The following MACC1 variants were observed in gnomAD, a reference collection of about 807,000 sequenced individuals.
MACC1 encodes MET transcriptional regulator MACC1.
A neutral mutation model predicts 70.7 loss-of-function variants in MACC1; 79 were observed. The observed-to-expected ratio is 1.12, with a 90% confidence interval of 0.93 to 1.35. The LOEUF is 1.35. Among genes scored for constraint, MACC1 ranks in the 40% most tolerant of loss-of-function variants. The pLI is 0.00. For synonymous variants in MACC1, 361 were observed against 347.2 expected (o/e 1.04, Z -0.44); for missense variants, 1,106 against 978.1 (o/e 1.13, Z -1.74).
chr7:20,149,628 C>G (rs549487591), intron 6 of MACC1, among the ~76,000 whole-genome samples: 19 of 152,172 alleles, frequency 1.2e-4, no homozygotes, highest in Admixed American at 5.2e-4. Context: ...GACTCCCCTC[C>G]ATTGATACCA....
Position 20,159,186 on chromosome 7 carries a change from C to G in MACC1, c.1175G>C (p.Gly392Ala), listed in dbSNP as rs1175777714. ...AAGCTGTCCTGGCATATAATTGTGT[C>G]CACAAACTGTTAAAACAACAGTAAA... The part of the protein sequence containing the change: ...PSFTVVLTVC[G>A]HNYMPGQLTI... The change falls in exon 5 of 7, where the codon GGA (glycine) becomes GCA (alanine). Residue 392 changes from glycine (G) to alanine (A), a missense_variant. Gly to Ala is a moderately conservative substitution (Grantham distance 60). Transcript: ENST00000400331. 1.2e-6 allele frequency: 2 copies of G among 1,613,922 alleles called. No homozygotes were observed. The highest frequency in any genetic ancestry group is 8.5e-7 in the Non-Finnish European group (1 of 1,179,974).
intron 6 of MACC1, among the ~76,000 whole-genome samples, chr7:20,143,842 G>A (rs1022442668): frequency 1.3e-5 from 2 of 152,156 alleles, no homozygotes; most frequent in Non-Finnish European, 2.9e-5. Flanking sequence ...TGAAATGCAA[G>A]GGGGAATATT....
intron 1 of MACC1, among the ~76,000 whole-genome samples, chr7:20,194,020 C>T (rs57945145): frequency 0.013 from 1,967 of 152,222 alleles, 40 homozygotes; most frequent in African/African-American, 0.045. Context: ...TTGTGGCCAG[C>T]GGTTCTCTGA....
chr7:20,205,361 A>G (rs1315694991), intron 1 of MACC1, among the ~76,000 whole-genome samples: 2 of 152,238 alleles, frequency 1.3e-5, no homozygotes, highest in Non-Finnish European at 2.9e-5. Flanking sequence ...TTCTTAAAAT[A>G]TATTTTCCAG....
intron 1 of MACC1, among the ~76,000 whole-genome samples, chr7:20,179,875 A>T (rs1562593868): frequency 6.6e-6 from 1 of 152,182 alleles, no homozygotes; most frequent in Non-Finnish European, 1.5e-5. Flanking sequence ...AAAGTGTGGT[A>T]GGTCTGTGAA....
Position 20,140,194 on chromosome 7 carries a change from C to T in MACC1, c.*752G>A, listed in dbSNP as rs1335645488. On this transcript the variant is annotated 3_prime_UTR_variant, in exon 7 of 7. Coordinates refer to ENST00000400331, the MANE Select transcript of MACC1 (RefSeq NM_182762.4). ...CGATGAAAAAGAGTAGCAAGTCTCA[C>T]TTAAAATGAAACGGCAACTGTTTCC... 6.6e-6 allele frequency: 1 copy of T among 152,194 alleles called. No homozygotes were observed. The highest frequency in any genetic ancestry group is 1.5e-5 in the Non-Finnish European group (1 of 68,034). The allele number at this position is 152,194 out of a possible 1,614,324, so 9.4% of individuals were successfully genotyped here.
At chr7:20,154,041 T>G in intron 6 of MACC1, 152 bp downstream of exon 6, 2 of 676,096 alleles carry the variant, frequency 3.0e-6, no homozygotes, top group South Asian at 4.1e-5. Flanking sequence ...TTATTTCAGA[T>G]AGTACTGATG....
intron 6 of MACC1, among the ~76,000 whole-genome samples, chr7:20,151,687 A>C (rs907848215): frequency 6.6e-6 from 1 of 152,232 alleles, no homozygotes; most frequent in Non-Finnish European, 1.5e-5. Flanking sequence ...AAAATCTGAC[A>C]AATTTATTAT....
chr7:20,181,980 G>T (rs1782515937), intron 1 of MACC1, among the ~76,000 whole-genome samples: 1 of 151,648 alleles, frequency 6.6e-6, no homozygotes, highest in African/African-American at 2.4e-5. Context: ...AGAAAATGTG[G>T]CACATATACA....
intron 1 of MACC1, among the ~76,000 whole-genome samples, chr7:20,178,261 T>TCACA (rs71020623): frequency 1.4e-3 from 141 of 98,944 alleles, no homozygotes; most frequent in Non-Finnish European, 2.1e-3. Flanking sequence ...TAATCTTATT[T>TCACA]CACACACACA....
Position 20,160,163 on chromosome 7 carries a change from T to C in MACC1, c.198A>G (p.Pro66=). The stretch of plus-strand genomic sequence containing the variant: ...TAGAAGCAGACAGTTGATTCCAGAA[T>C]GGATTTGCAACTTTGGAAGCATTAT... The part of the protein sequence containing the change: ...RGNNASKVAN[P]FWNQLSASNP... The change falls in exon 5 of 7, where the codon CCA becomes CCG. Residue 66 remains proline (P), a synonymous_variant. Transcript: ENST00000400331. 2 of 1,611,904 alleles carry C rather than the reference T, an allele frequency of 1.2e-6. No individual in the cohort carries two copies. The highest frequency in any genetic ancestry group is 1.7e-6 in the Non-Finnish European group (2 of 1,179,492).
chr7:20,175,350 C>T (rs1037030198), intron 1 of MACC1, among the ~76,000 whole-genome samples: 13 of 151,890 alleles, frequency 8.6e-5, no homozygotes, highest in African/African-American at 3.1e-4. Flanking sequence ...AAAATATATA[C>T]ACATATTTAA....
chr7:20,155,579 C>A (rs374068296), intron 5 of MACC1, among the ~76,000 whole-genome samples: 1 of 152,160 alleles, frequency 6.6e-6, no homozygotes, highest in South Asian at 2.1e-4. Context: ...CTACTGTAAA[C>A]ATGTTTGGTA....
intron 6 of MACC1, among the ~76,000 whole-genome samples, chr7:20,153,781 G>T (rs1013614450): frequency 6.6e-6 from 1 of 151,992 alleles, no homozygotes; most frequent in Non-Finnish European, 1.5e-5. Context: ...ATTAGTTATC[G>T]CAAGTGACTA....
At position 20,135,103 on chromosome 7, in the gene MACC1, A is replaced by G. The variant is rs1265417667; in HGVS notation, c.*5843T>C. The G allele has an allele frequency of 1.3e-5, 2 of 152,338 alleles. No individual in the cohort carries two copies. Among genetic ancestry groups the G allele is most frequent in the East Asian group, 1.9e-4 (1 of 5,194 alleles). 9.4% of individuals were successfully genotyped at this position (152,338 alleles called of 1,614,324 possible). Reference sequence around the variant, plus strand: ...AAAAATACATTTAACAAGAAATTCAACAAATAACACACTAGGGAAAACAAG... The same window carrying G: ...AAAAATACATTTAACAAGAAATTCAGCAAATAACACACTAGGGAAAACAAG... On this transcript the variant is annotated 3_prime_UTR_variant, in exon 7 of 7. Coordinates refer to ENST00000400331, the MANE Select transcript of MACC1 (RefSeq NM_182762.4).
At chr7:20,171,097 C>G (rs1469397475) in intron 1 of MACC1, among the ~76,000 whole-genome samples, 3 of 152,060 alleles carry the variant, frequency 2.0e-5, no homozygotes, top group African/African-American at 7.2e-5. Context: ...AATGCGCATA[C>G]ATGTGTGCAT....
chr7:20,211,902 A>G (rs751451544), intron 1 of MACC1, among the ~76,000 whole-genome samples: 3 of 152,250 alleles, frequency 2.0e-5, no homozygotes, highest in East Asian at 1.9e-4. Flanking sequence ...ATTAATCTTA[A>G]AAGTATAATG....
At chr7:20,193,053 T>G (rs1200860963) in intron 1 of MACC1, among the ~76,000 whole-genome samples, 1 of 152,180 alleles carries the variant, frequency 6.6e-6, no homozygotes, top group Admixed American at 6.5e-5. Flanking sequence ...GGTATAAACT[T>G]TAGGCCCCGC....
At chr7:20,154,903 A>T (rs1404454737) in intron 5 of MACC1, among the ~76,000 whole-genome samples, 2 of 147,876 alleles carry the variant, frequency 1.4e-5, no homozygotes, top group Non-Finnish European at 1.5e-5. Context: ...TGCTGTGTTT[A>T]AAAAAAAGAG....
Sources: allele counts gnomAD v4.1 joint callset (sites outside exome capture counted in the v4.1 genomes callset), GRCh38; gene constraint gnomAD v4.1.1; transcripts MANE v1.5; gene names NCBI Gene and HGNC (gene_info 2026-07-23, HGNC 2026-07-21).